Variants in AFF3 observed in about 807,000 individuals in gnomAD.
AFF3 encodes ALF transcription elongation factor 3.
AFF3 carries 32 observed loss-of-function variants against 129.7 expected under a neutral mutation model. That is an observed-to-expected ratio of 0.25 (90% CI 0.19 to 0.33). The LOEUF (loss-of-function observed/expected upper bound fraction) is 0.33. Ranked by LOEUF, AFF3 falls within the 10% of genes least tolerant of loss-of-function variation. The pLI is 1.00. For synonymous variants in AFF3, 644 were observed against 635.4 expected (o/e 1.01, Z -0.20); for missense variants, 1,373 against 1,592.0 (o/e 0.86, Z 2.34).
At chr2:99,596,443 C>T (rs1337979120) in intron 14 of AFF3, among the ~76,000 whole-genome samples, 2 of 152,190 alleles carry the variant, frequency 1.3e-5, no homozygotes, top group Non-Finnish European at 2.9e-5. Context: ...TCTCCCTCAA[C>T]CCCCATTTCT....
chr2:100,014,954 A>ATTTTTTTTTTTTT (rs562822524), intron 4 of AFF3, among the ~76,000 whole-genome samples: 10 of 121,658 alleles, frequency 8.2e-5, no homozygotes, highest in African/African-American at 1.6e-4. Flanking sequence ...CAGCCAGCTA[A>ATTTTTTTTTTTTT]TTTTTTTTTT....
intron 8 of AFF3, among the ~76,000 whole-genome samples, chr2:99,770,152 G>A (rs62150104): frequency 0.03 from 4,522 of 152,224 alleles, 84 homozygotes; most frequent in Non-Finnish European, 0.04. Context: ...AGAAATCTAC[G>A]TGGCCTTCTA....
intron 7 of AFF3, among the ~76,000 whole-genome samples, chr2:99,840,779 C>T (rs1689258694): frequency 6.6e-6 from 1 of 152,164 alleles, no homozygotes; most frequent in Non-Finnish European, 1.5e-5. Flanking sequence ...CCTGAGGTGA[C>T]CATCACAAAG....
intron 4 of AFF3, among the ~76,000 whole-genome samples, chr2:100,064,746 T>C (rs1182619794): frequency 3.3e-5 from 5 of 152,240 alleles, no homozygotes; most frequent in African/African-American, 1.2e-4. Context: ...GCAGCGATAA[T>C]TTCAATGCCT....
chr2:100,013,618 T>A (rs979573232), intron 4 of AFF3, among the ~76,000 whole-genome samples: 3 of 152,012 alleles, frequency 2.0e-5, no homozygotes, highest in South Asian at 4.1e-4. Context: ...ACAAGCCCAG[T>A]AGTGAGAAGT....
chr2:100,043,302 A>G (rs1573231990), intron 4 of AFF3, among the ~76,000 whole-genome samples: 1 of 152,350 alleles, frequency 6.6e-6, no homozygotes, highest in East Asian at 1.9e-4. Context: ...CCTCAGCTCC[A>G]GTCGGGAAGG....
intron 15 of AFF3, among the ~76,000 whole-genome samples, chr2:99,589,396 CATTTT>C (rs1678436468): frequency 1.0e-5 from 1 of 98,372 alleles, no homozygotes; most frequent in African/African-American, 3.8e-5. Flanking sequence ...AAGATGTCAA[CATTTT>C]TTTTTTTTTT....
At chr2:99,678,058 C>T (rs1273606234) in intron 11 of AFF3, among the ~76,000 whole-genome samples, 1 of 152,218 alleles carries the variant, frequency 6.6e-6, no homozygotes, top group Non-Finnish European at 1.5e-5. Flanking sequence ...AGAAGGTGTA[C>T]TGTCTCCCAG....
chr2:99,926,953 T>C (rs1696292950), intron 7 of AFF3, among the ~76,000 whole-genome samples: 1 of 152,168 alleles, frequency 6.6e-6, no homozygotes, highest in Non-Finnish European at 1.5e-5. Context: ...AGCCAAGTGA[T>C]GCCAATCCTG....
At chr2:99,710,594 A>G (rs1677803875) in intron 11 of AFF3, among the ~76,000 whole-genome samples, 1 of 152,178 alleles carries the variant, frequency 6.6e-6, no homozygotes, top group Non-Finnish European at 1.5e-5. Flanking sequence ...CAACACCTGC[A>G]GTATTCTAAC....
chr2:99,720,303 C>A (rs1416022427), intron 11 of AFF3, among the ~76,000 whole-genome samples: 1 of 152,106 alleles, frequency 6.6e-6, no homozygotes, highest in East Asian at 1.9e-4. Context: ...TTAATGTCCT[C>A]CCTGAAGGTG....
At chr2:100,100,493 C>G (rs1690644298) in intron 4 of AFF3, among the ~76,000 whole-genome samples, 2 of 152,154 alleles carry the variant, frequency 1.3e-5, no homozygotes, top group South Asian at 2.1e-4. Flanking sequence ...CAAAGGCCAC[C>G]TATTTCATGG....
intron 7 of AFF3, among the ~76,000 whole-genome samples, chr2:99,891,978 A>G (rs1403354813): frequency 3.9e-5 from 6 of 152,074 alleles, no homozygotes; most frequent in East Asian, 3.9e-4. Context: ...ACCCGCCACC[A>G]TGCCCGGCTC....
chr2:99,799,517 T>A (rs1685781245), intron 8 of AFF3, among the ~76,000 whole-genome samples: 1 of 152,018 alleles, frequency 6.6e-6, no homozygotes, highest in Non-Finnish European at 1.5e-5. Context: ...TTTGGAAGAA[T>A]CGATATTGTT....
rs370022150 is a variant in AFF3 at position 99,551,495 on chromosome 2, C to G, written c.3660G>C (p.Arg1220=). ...QYSQQGLHWL[R]NSAHLS ...GTCCCTATGACAGGTGGGCGCTGTT[C>G]CGCAGCCAGTGCAGGCCCTGTTGGG... is the stretch of plus-strand genomic sequence containing the variant. The change falls in exon 25 of 25, where the codon CGG becomes CGC. Residue 1220 remains arginine, a synonymous_variant. Transcript: ENST00000672756. 1 of 1,613,972 alleles carries G rather than the reference C, an allele frequency of 6.2e-7. No homozygotes were observed. The highest frequency in any genetic ancestry group is 1.3e-5 in the African/African-American group (1 of 74,918).
At chr2:99,989,062 C>CA (rs1463213353) in intron 7 of AFF3, among the ~76,000 whole-genome samples, 1 of 152,256 alleles carries the variant, frequency 6.6e-6, no homozygotes, top group African/African-American at 2.4e-5. Flanking sequence ...AGAGTAACTT[C>CA]AAAGGTTCTA....
At chr2:99,615,588 G>C (rs1236013751) in intron 13 of AFF3, among the ~76,000 whole-genome samples, 1 of 152,230 alleles carries the variant, frequency 6.6e-6, no homozygotes, top group Non-Finnish European at 1.5e-5. Flanking sequence ...ACATCCACTT[G>C]GACAACTCCT....
chr2:99,928,920 T>C (rs1183996778), intron 7 of AFF3, among the ~76,000 whole-genome samples: 1 of 152,058 alleles, frequency 6.6e-6, no homozygotes, highest in African/African-American at 2.4e-5. Flanking sequence ...GCACAAACAC[T>C]ACACAGCAGT....
At chr2:99,997,475 AC>A (rs35522930) in intron 7 of AFF3, among the ~76,000 whole-genome samples, 54,408 of 128,108 alleles carry the variant, frequency 0.42, 10,801 homozygotes, top group African/African-American at 0.55. Context: ...AGCAACTATC[AC>A]CCCCCCCCCA....
Sources: gnomAD v4.1 joint callset for allele counts (sites outside exome capture counted in the v4.1 genomes callset) on GRCh38, gnomAD v4.1.1 for gene constraint, MANE v1.5 for transcripts, NCBI Gene and HGNC (gene_info 2026-07-23, HGNC 2026-07-21) for gene names.